GDE1: variants seen among roughly 807,000 people sequenced by gnomAD.
The protein encoded by GDE1 is glycerophosphodiester phosphodiesterase 1, also known as RGS16-interacting membrane protein.
In GDE1, 24 loss-of-function variants were observed where a neutral mutation model predicts 32.2. That is an observed-to-expected ratio of 0.75 (90% CI 0.54 to 1.05). GDE1 has a LOEUF of 1.05. Ranked by LOEUF, GDE1 falls within the 50% of genes least tolerant of loss-of-function variation. The pLI, the probability that GDE1 is intolerant of heterozygous loss-of-function variation, is 0.00. For missense variants in GDE1, 380 were observed against 415.0 expected (o/e 0.92, Z 0.73); for synonymous variants, 159 against 158.6 (o/e 1.00, Z -0.02).
chr16:19,503,871 T>C, intron 5 of GDE1: 1 of 383,770 alleles, frequency 2.6e-6, no homozygotes, highest in Non-Finnish European at 4.7e-6. Context: ...GCACAGCCAC[T>C]GAAGGTGTGC....
chr16:19,505,593 G>A (rs1288378899), intron 4 of GDE1, among the ~76,000 whole-genome samples: 1 of 152,116 alleles, frequency 6.6e-6, no homozygotes, highest in Non-Finnish European at 1.5e-5. Flanking sequence ...GAGAATGGGA[G>A]AGGACAACAG....
intron 4 of GDE1, among the ~76,000 whole-genome samples, chr16:19,507,132 CCGTCTTTT>C (rs1969257574): frequency 1.4e-5 from 2 of 146,128 alleles, no homozygotes; most frequent in African/African-American, 5.1e-5. Flanking sequence ...GAGGGAGAAC[CCGTCTTTT>C]AAAATAAATA....
rs1218825715 is a variant in GDE1, at chr16:19,502,667, G to A, written c.*803C>T. The A allele has an allele frequency of 1.3e-5, 2 of 152,098 alleles. No individual in the cohort carries two copies. The highest frequency in any genetic ancestry group is 2.9e-5 in the Non-Finnish European group (2 of 68,020). 9.4% of individuals were successfully genotyped at this position (152,098 alleles called of 1,614,324 possible). Reference sequence around the variant, plus strand: ...GAGCCACTGTGCCCAGCTAAGCTGTGACTTTTGAGGCAACCCCTTCCCTTC... The same window carrying A: ...GAGCCACTGTGCCCAGCTAAGCTGTAACTTTTGAGGCAACCCCTTCCCTTC... On this transcript the variant is annotated 3_prime_UTR_variant, in exon 6 of 6. Transcript: ENST00000353258.
chr16:19,503,305 C>A lies in GDE1; in HGVS notation c.*165G>T. 1 of 636,082 alleles carries A rather than the reference C, an allele frequency of 1.6e-6. No homozygotes were observed. 39.4% of individuals were successfully genotyped at this position (636,082 alleles called of 1,614,324 possible). A position where few individuals can be genotyped will look rare whatever the true frequency, so the allele number is the denominator to read the frequency against. On this transcript the variant is annotated 3_prime_UTR_variant, in exon 6 of 6. Coordinates refer to ENST00000353258, the MANE Select transcript of GDE1 (RefSeq NM_016641.4). ...TCTGGCATGCCATGGTGCATGGTGGCAACACCGGGTTTAGCTTTGGTTCAG... is the reference window on the plus strand; with the variant it reads ...TCTGGCATGCCATGGTGCATGGTGGAAACACCGGGTTTAGCTTTGGTTCAG...
chr16:19,510,635 T>TTACAAAAAACTTTA (rs1225703076), intron 3 of GDE1, among the ~76,000 whole-genome samples: 1 of 152,186 alleles, frequency 6.6e-6, no homozygotes, highest in East Asian at 1.9e-4. Context: ...TTGTAAAGTT[T>TTACAAAAAACTTTA]CCATAAAAGG....
At position 19,517,000 on chromosome 16, in the gene GDE1, AAT is replaced by A. The variant is rs1363208376; in HGVS notation, c.437+12_437+13del. On this transcript the variant is annotated intron_variant, in intron 2 of 5. Transcript: ENST00000353258. ...AAGCTAAAAGATCTGTTTAAGTGAC[AAT>A]AAACTACTTACCTGAGTCTGTGGTT... 1.2e-6 allele frequency: 2 copies of A among 1,611,248 alleles called. No homozygotes were observed. The highest frequency in any genetic ancestry group is 2.2e-5 in the South Asian group (2 of 90,998).
At chr16:19,506,677 C>T (rs761665663) in intron 4 of GDE1, among the ~76,000 whole-genome samples, 26 of 152,036 alleles carry the variant, frequency 1.7e-4, no homozygotes, top group African/African-American at 5.1e-4. Flanking sequence ...TGTAACACGC[C>T]GATCTTACTT....
At chr16:19,519,064 A>G (rs1191698658) in intron 1 of GDE1, among the ~76,000 whole-genome samples, 1 of 152,194 alleles carries the variant, frequency 6.6e-6, no homozygotes, top group East Asian at 1.9e-4. Context: ...GGTCCCCAAG[A>G]CTGCACCCCA....
At chr16:19,514,500 A>G (rs552542777) in intron 2 of GDE1, among the ~76,000 whole-genome samples, 3 of 152,212 alleles carry the variant, frequency 2.0e-5, no homozygotes, top group Non-Finnish European at 4.4e-5. Flanking sequence ...TGGAAAACTC[A>G]AAGACTTAAT....
At chr16:19,518,521 T>C (rs528569093) in intron 1 of GDE1, among the ~76,000 whole-genome samples, 1 of 152,242 alleles carries the variant, frequency 6.6e-6, no homozygotes, top group Admixed American at 6.5e-5. Flanking sequence ...GCAGTAGAAG[T>C]TGCACTCTTA....
At chr16:19,509,582 T>C (rs12918660) in intron 3 of GDE1, among the ~76,000 whole-genome samples, 12 of 152,270 alleles carry the variant, frequency 7.9e-5, no homozygotes, top group South Asian at 2.1e-4. Context: ...AATAAATTAG[T>C]TACCATTATC....
At chr16:19,504,192 T>TTTAAC (rs1324481447) in intron 5 of GDE1, 1 of 152,834 alleles carries the variant, frequency 6.5e-6, no homozygotes, top group Non-Finnish European at 1.5e-5. Flanking sequence ...GTATCTTAGT[T>TTTAAC]TTAACTTTAT....
In GDE1 at chr16:19,521,956, C is replaced by A; in HGVS notation, c.9G>T (p.Leu3=). 6.5e-7 allele frequency: 1 copy of A among 1,545,654 alleles called. No individual in the cohort carries two copies. The highest frequency in any genetic ancestry group is 8.8e-7 in the Non-Finnish European group (1 of 1,141,616). Residue 3 remains leucine, a synonymous_variant, in exon 1 of 6, where the codon CTG becomes CTT. Transcript: ENST00000353258. ...CCAGGAGGCCGCCCTGGTCCTCCCA[C>A]AGCCACATGCCGGCGCCCGCACCGG... MW[L]WEDQGGLLGP...
In GDE1 at chr16:19,519,146, G is replaced by A. The variant is rs187234301; in HGVS notation, c.262-1957C>T. Among the ~76,000 whole-genome samples the A allele has an allele frequency of 7.9e-5, 12 of 152,236 alleles. No homozygotes were observed. In the East Asian group the frequency reaches 2.3e-3, roughly 29 times the overall value. On this transcript the variant is annotated intron_variant, in intron 1 of 5. Coordinates refer to ENST00000353258, the MANE Select transcript of GDE1 (RefSeq NM_016641.4). ...ACCAATTGGCTTCAAGTCCTCTTAGGTTTATTTTAGTTTTTATTTTTTTAA... is the reference window on the plus strand; with the variant it reads ...ACCAATTGGCTTCAAGTCCTCTTAGATTTATTTTAGTTTTTATTTTTTTAA...
chr16:19,507,303 A>AG (rs994161978), intron 4 of GDE1, among the ~76,000 whole-genome samples: 15 of 152,152 alleles, frequency 9.9e-5, no homozygotes, highest in African/African-American at 2.4e-4. Context: ...TCACAGTTAA[A>AG]GGGGGGGTAC....
At chr16:19,520,419 A>T (rs1284022238) in intron 1 of GDE1, among the ~76,000 whole-genome samples, 2 of 150,024 alleles carry the variant, frequency 1.3e-5, no homozygotes, top group Non-Finnish European at 3.0e-5. Flanking sequence ...AAAAAAAAAA[A>T]GAAAAAAAAA....
At chr16:19,516,388 T>C (rs1427466755) in intron 2 of GDE1, among the ~76,000 whole-genome samples, 2 of 152,208 alleles carry the variant, frequency 1.3e-5, no homozygotes, top group Admixed American at 6.5e-5. Flanking sequence ...ATCTGTAGTA[T>C]CCTATATGGT....
At chr16:19,505,190 C>A in intron 4 of GDE1, 98 bp from the exon 5 acceptor site, 1 of 824,290 alleles carries the variant, frequency 1.2e-6, no homozygotes. Context: ...ATGAGGTGGT[C>A]ATGGTTGGTA....
chr16:19,502,374 C>CTTT lies in GDE1; in HGVS notation c.*1093_*1095dup, dbSNP rs59519757. On this transcript the variant is annotated 3_prime_UTR_variant, in exon 6 of 6. Transcript: ENST00000353258. ...AAGATGTTCTAGAAGTTCTAGTTATCTTTTTTTTTTTTTTTTTTTTTTTTT... is the reference window on the plus strand; with the variant it reads ...AAGATGTTCTAGAAGTTCTAGTTATCTTTTTTTTTTTTTTTTTTTTTTTTTTTT... 2.4e-5 allele frequency: 2 copies of CTTT among 82,192 alleles called. No homozygotes were observed. Among genetic ancestry groups the CTTT allele is most frequent in the African/African-American group, 4.5e-5 (1 of 22,056 alleles). The allele number at this position is 82,192 out of a possible 1,614,324, so 5.1% of individuals were successfully genotyped here.
Sources: allele counts gnomAD v4.1 joint callset (sites outside exome capture counted in the v4.1 genomes callset), GRCh38; gene constraint gnomAD v4.1.1; transcripts MANE v1.5; gene names NCBI Gene and HGNC (gene_info 2026-07-23, HGNC 2026-07-21).